Variants in GSPT1 observed in about 807,000 individuals in gnomAD.
The protein encoded by GSPT1 is G1 to S phase transition 1.
GSPT1 carries 20 observed loss-of-function variants against 72.5 expected under a neutral mutation model. That is an observed-to-expected ratio of 0.28 (90% CI 0.19 to 0.40). The LOEUF is 0.40. Among genes scored for constraint, GSPT1 ranks in the 10% least tolerant of loss-of-function variants. The pLI is 1.00. For synonymous variants in GSPT1, 334 were observed against 293.5 expected (o/e 1.14, Z -1.41); for missense variants, 580 against 811.9 (o/e 0.71, Z 3.47).
chr16:11,894,525 T>C (rs1020194566), intron 5 of GSPT1, among the ~76,000 whole-genome samples: 4 of 152,204 alleles, frequency 2.6e-5, no homozygotes, highest in Non-Finnish European at 4.4e-5. Context: ...ATGTATGTTA[T>C]ATGCAAAGGA....
chr16:11,904,375 TG>T (rs1255715607), intron 1 of GSPT1, among the ~76,000 whole-genome samples: 6 of 152,038 alleles, frequency 3.9e-5, no homozygotes, highest in African/African-American at 1.5e-4. Flanking sequence ...GGTAATTTTT[TG>T]TATTTTTAGT....
rs879758034 is a variant in GSPT1 at position 11,877,716 on chromosome 16, ATCT to A, written c.1429-139_1429-137del. ...AACACTTATGTTTGTATGACATAAA[ATCT>A]TAGCCTAGATATGATCAGCAAAAAT... On this transcript the variant is annotated intron_variant, in intron 11 of 14. Coordinates refer to ENST00000434724, the MANE Select transcript of GSPT1 (RefSeq NM_002094.4). The surrounding 1 kb of genome is among the most constrained non-coding windows in gnomAD (Gnocchi z 4.0). 3.4e-6 allele frequency: 2 copies of A among 584,440 alleles called. No homozygotes were observed. The highest frequency in any genetic ancestry group is 5.9e-6 in the Non-Finnish European group (2 of 340,658). The allele number at this position is 584,440 out of a possible 1,614,324, so 36.2% of individuals were successfully genotyped here.
intron 1 of GSPT1, among the ~76,000 whole-genome samples, chr16:11,900,002 T>A (rs1023279010): frequency 6.6e-6 from 1 of 152,178 alleles, no homozygotes; most frequent in Non-Finnish European, 1.5e-5. Flanking sequence ...TGTGTCTCCA[T>A]CTGCTATGTA....
intron 1 of GSPT1, among the ~76,000 whole-genome samples, chr16:11,900,476 T>A (rs946848673): frequency 6.6e-6 from 1 of 152,092 alleles, no homozygotes; most frequent in African/African-American, 2.4e-5. Context: ...TAACTAATTT[T>A]TATTGAGCCC....
At position 11,896,551 on chromosome 16, in the gene GSPT1, A is replaced by C; in HGVS notation, c.664+7T>G. On this transcript the variant is annotated splice_region_variant and intron_variant, in intron 4 of 14. Coordinates refer to ENST00000434724, the MANE Select transcript of GSPT1 (RefSeq NM_002094.4). ...CAGTAACTTTAATTGCTATGAGAGCAGCTTACCTACGTGCCCAATGAATAC... is the reference window on the plus strand; with the variant it reads ...CAGTAACTTTAATTGCTATGAGAGCCGCTTACCTACGTGCCCAATGAATAC... 1 of 1,505,288 alleles carries C rather than the reference A, an allele frequency of 6.6e-7. No homozygotes were observed. Among genetic ancestry groups the C allele is most frequent in the Non-Finnish European group, 9.2e-7 (1 of 1,092,700 alleles). 93.2% of individuals were successfully genotyped at this position (1,505,288 alleles called of 1,614,324 possible). A position where few individuals can be genotyped will look rare whatever the true frequency, so the allele number is the denominator to read the frequency against.
At chr16:11,912,361 A>C (rs1253094876) in intron 1 of GSPT1, among the ~76,000 whole-genome samples, 7 of 151,430 alleles carry the variant, frequency 4.6e-5, no homozygotes, top group African/African-American at 9.7e-5. Flanking sequence ...AAAAAAAAAA[A>C]ACAAAAAAAA....
chr16:11,915,279 G>T, intron 1 of GSPT1, 90 bp downstream of exon 1: 1 of 1,224,788 alleles, frequency 8.2e-7, no homozygotes, highest in Non-Finnish European at 1.0e-6. Context: ...TGCCGACCGG[G>T]CCCCAGGGCC....
chr16:11,915,907 A>T lies in GSPT1; in HGVS notation c.-187T>A. ...TCCCGACTCCACACTCGCGACGACGACAGAGGCGGCGGCGGCGGCAGCTCA... is the reference window on the plus strand; with the variant it reads ...TCCCGACTCCACACTCGCGACGACGTCAGAGGCGGCGGCGGCGGCAGCTCA... On this transcript the variant is annotated 5_prime_UTR_variant, in exon 1 of 15. Transcript: ENST00000434724. 2 of 862,168 alleles carry T rather than the reference A, an allele frequency of 2.3e-6. No individual in the cohort carries two copies. The highest frequency in any genetic ancestry group is 1.9e-6 in the Non-Finnish European group (1 of 514,364). 53.4% of individuals were successfully genotyped at this position (862,168 alleles called of 1,614,324 possible).
chr16:11,911,018 T>C (rs930444077), intron 1 of GSPT1, among the ~76,000 whole-genome samples: 8 of 152,222 alleles, frequency 5.3e-5, no homozygotes, highest in Non-Finnish European at 8.8e-5. Flanking sequence ...CAGTGTTTAC[T>C]ACTGTGATAC....
At chr16:11,902,066 G>GTGACA (rs2054414006) in intron 1 of GSPT1, among the ~76,000 whole-genome samples, 1 of 146,070 alleles carries the variant, frequency 6.8e-6, no homozygotes. Flanking sequence ...TCCAGCCTGG[G>GTGACA]CAACAAGAGC....
chr16:11,902,689 G>T lies in GSPT1; in HGVS notation c.353-4654C>A, dbSNP rs566069957. 2.6e-5 allele frequency among the ~76,000 whole-genome samples: 4 copies of T among 151,492 alleles called. No homozygotes were observed. The East Asian group carries it at 7.9e-4, about 30-fold the overall frequency. ...TGCAACCTCCACCTCCTGGGTTCAA[G>T]CGATTCTCCTGCTTTAAGTCCCGAG... is the stretch of plus-strand genomic sequence containing the variant. On this transcript the variant is annotated intron_variant, in intron 1 of 14. Coordinates refer to ENST00000434724, the MANE Select transcript of GSPT1 (RefSeq NM_002094.4).
At chr16:11,873,199 T>A in intron 14 of GSPT1, 28 bp from the exon 15 acceptor site, 1 of 1,197,832 alleles carries the variant, frequency 8.3e-7, no homozygotes, top group Non-Finnish European at 1.2e-6. Flanking sequence ...AAAAAATCTT[T>A]CAGTAGTTAA....
In GSPT1 at chr16:11,871,595, A is replaced by C. The variant is rs1205614697; in HGVS notation, c.*1524T>G. 1.3e-5 allele frequency: 2 copies of C among 152,094 alleles called. No homozygotes were observed. The highest frequency in any genetic ancestry group is 4.8e-5 in the African/African-American group (2 of 41,402). The allele number at this position is 152,094 out of a possible 1,614,324, so 9.4% of individuals were successfully genotyped here. A position where few individuals can be genotyped will look rare whatever the true frequency, so the allele number is the denominator to read the frequency against. Reference sequence around the variant, plus strand: ...ACAAAACAAAACACCCATTAGATTAAGTTTTATGTTCTGTGACTGGAAATA... The same window carrying C: ...ACAAAACAAAACACCCATTAGATTACGTTTTATGTTCTGTGACTGGAAATA... On this transcript the variant is annotated 3_prime_UTR_variant, in exon 15 of 15. Transcript: ENST00000434724.
Position 11,868,492 on chromosome 16 carries a change from TGA to T in GSPT1, c.*4625_*4626del, listed in dbSNP as rs1263999120. 6.6e-6 allele frequency: 1 copy of T among 152,150 alleles called. No individual in the cohort carries two copies. Among genetic ancestry groups the T allele is most frequent in the African/African-American group, 2.4e-5 (1 of 41,420 alleles). 9.4% of individuals were successfully genotyped at this position (152,150 alleles called of 1,614,324 possible). A position where few individuals can be genotyped will look rare whatever the true frequency, so the allele number is the denominator to read the frequency against. On this transcript the variant is annotated 3_prime_UTR_variant, in exon 15 of 15. Transcript: ENST00000434724. Reference sequence around the variant, plus strand: ...CAGAACTAATACCTGTGTACATTTCTGAGAGCCTGATGTGTGAGTCCTTAAAA... The same window carrying T: ...CAGAACTAATACCTGTGTACATTTCTGAGCCTGATGTGTGAGTCCTTAAAA...
chr16:11,916,421 A>G (rs2054638405), upstream of GSPT1, among the ~76,000 whole-genome samples: 1 of 152,136 alleles, frequency 6.6e-6, no homozygotes, highest in South Asian at 2.1e-4. Flanking sequence ...GGGGAAGAAA[A>G]ATACACTCAG....
chr16:11,894,142 T>C (rs575988843), intron 5 of GSPT1, among the ~76,000 whole-genome samples: 3 of 83,560 alleles, frequency 3.6e-5, no homozygotes, highest in African/African-American at 1.4e-4. Flanking sequence ...GGTGACAGAA[T>C]GAGACCCTAT....
intron 14 of GSPT1, 96 bp from the exon 15 acceptor site, chr16:11,873,267 A>T (rs1567432617): frequency 1.6e-6 from 1 of 637,200 alleles, no homozygotes; most frequent in Non-Finnish European, 2.8e-6. Context: ...AATATTTTTT[A>T]CAATGTAAGT....
rs931915699 is a variant in GSPT1 at position 11,885,860 on chromosome 16, C to T, written c.1254-586G>A. Among the ~76,000 whole-genome samples the T allele has an allele frequency of 2.0e-5, 3 of 152,072 alleles. No homozygotes were observed. In the East Asian group the frequency reaches 5.8e-4, roughly 29 times the overall value. On this transcript the variant is annotated intron_variant, in intron 9 of 14. Coordinates refer to ENST00000434724, the MANE Select transcript of GSPT1 (RefSeq NM_002094.4). ...GAGCCGAGATCATGCCACTGCACTC[C>T]AGCCTGGTTAACAGAGTGAAAACCT...
At chr16:11,883,459 C>CAAAAAACAAAAAAAAAAAA (rs2054146723) in intron 10 of GSPT1, among the ~76,000 whole-genome samples, 1 of 66,466 alleles carries the variant, frequency 1.5e-5, no homozygotes, top group African/African-American at 5.6e-5. Flanking sequence ...ACTAAAAATA[C>CAAAAAACAAAAAAAAAAAA]AAAAAAAAAA....
Sources: gnomAD v4.1 joint callset for allele counts (sites outside exome capture counted in the v4.1 genomes callset) on GRCh38, gnomAD v4.1.1 for gene constraint, Gnocchi (gnomAD v3.1) non-coding constraint, MANE v1.5 for transcripts, NCBI Gene and HGNC (gene_info 2026-07-23, HGNC 2026-07-21) for gene names.